The following RPL13 variants were observed in gnomAD, a reference collection of about 807,000 sequenced individuals.
The protein encoded by RPL13 is large ribosomal subunit protein eL13.
A neutral mutation model predicts 21.4 loss-of-function variants in RPL13; 1 was observed. That is an observed-to-expected ratio of 0.05 (90% CI 0.02 to 0.22). The LOEUF (loss-of-function observed/expected upper bound fraction) is 0.22, where lower values mean the gene tolerates loss of function less well. RPL13 is among the 10% of genes least tolerant of loss of function. The pLI, the probability that RPL13 is intolerant of heterozygous loss-of-function variation, is 1.00. For missense variants in RPL13, 289 were observed against 303.0 expected, an observed-to-expected ratio of 0.95 and a Z score of 0.34; for synonymous variants, 143 against 120.5, an observed-to-expected ratio of 1.19 and a Z score of -1.23.
At position 89,563,187 on chromosome 16, in the gene RPL13, C is replaced by A; in HGVS notation, c.*145C>A. On this transcript the variant is annotated 3_prime_UTR_variant, in exon 6 of 6. Coordinates refer to ENST00000311528, the MANE Select transcript of RPL13 (RefSeq NM_000977.4). The stretch of plus-strand genomic sequence containing the variant: ...ATTTGGGGCTTTCTTGAAAGACAGT[C>A]CAAGCCCTGGATAATGCTTTACTTT... 1 of 733,534 alleles carries A rather than the reference C, an allele frequency of 1.4e-6. No individual in the cohort carries two copies. The highest frequency in any genetic ancestry group is 2.0e-6 in the Non-Finnish European group (1 of 496,336). 45.4% of individuals were successfully genotyped at this position (733,534 alleles called of 1,614,324 possible).
In RPL13 at chr16:89,563,309, T is replaced by C; in HGVS notation, c.*267T>C. ...AGGCTGACTTCAGAGTGGACTTGTG[T>C]TTTTTCTTTTTAAAGAGGCAAGGTT... On this transcript the variant is annotated 3_prime_UTR_variant, in exon 6 of 6. Coordinates refer to ENST00000311528, the MANE Select transcript of RPL13 (RefSeq NM_000977.4). 3.8e-6 allele frequency: 1 copy of C among 266,006 alleles called. No homozygotes were observed. The highest frequency in any genetic ancestry group is 7.1e-6 in the Non-Finnish European group (1 of 141,676). 16.5% of individuals were successfully genotyped at this position (266,006 alleles called of 1,614,324 possible). A position where few individuals can be genotyped will look rare whatever the true frequency, so the allele number is the denominator to read the frequency against.
In RPL13 at chr16:89,563,645, G is replaced by T. The variant is rs1028048645; in HGVS notation, c.*603G>T. ...AGTGCCACAATCATGGCTCACTGCA[G>T]TCTTGAACTCATGGCCTCAAGCAGT... On this transcript the variant is annotated 3_prime_UTR_variant, in exon 6 of 6. Coordinates refer to ENST00000311528, the MANE Select transcript of RPL13 (RefSeq NM_000977.4). 2 of 152,156 alleles carry T rather than the reference G, an allele frequency of 1.3e-5. No individual in the cohort carries two copies. The highest frequency in any genetic ancestry group is 4.8e-5 in the African/African-American group (2 of 41,404). The allele number at this position is 152,156 out of a possible 1,614,324, so 9.4% of individuals were successfully genotyped here.
downstream of RPL13, chr16:89,565,590 A>C (rs67723215): frequency 0.17 from 25,929 of 150,564 alleles, 2,340 homozygotes; most frequent in African/African-American, 0.23. Context: ...GGCCCAGGAT[A>C]CCCCGCTGGT....
At position 89,562,714 on chromosome 16, in the gene RPL13, T is replaced by A. The variant is rs1215178089; in HGVS notation, c.478-170T>A. The A allele has an allele frequency of 4.4e-6, 3 of 684,614 alleles. No individual in the cohort carries two copies. In the African/African-American group the frequency reaches 5.7e-5, roughly 13 times the overall value. The allele number at this position is 684,614 out of a possible 1,614,324, so 42.4% of individuals were successfully genotyped here. ...TCCAGCTCAGGGAGGGTTTTTCTTT[T>A]TTTTTTTAAATCCCAGGGAAGGTGA... On this transcript the variant is annotated intron_variant, in intron 5 of 5. Transcript: ENST00000311528.
downstream of RPL13, chr16:89,565,200 C>T (rs1476849106): frequency 1.3e-5 from 2 of 151,718 alleles, no homozygotes; most frequent in Non-Finnish European, 2.9e-5. Flanking sequence ...TGTCTGGGGC[C>T]CTGCTGTTGG....
At chr16:89,565,945 G>A (rs530693285), downstream of RPL13, 10 of 152,448 alleles carry the variant, frequency 6.6e-5, no homozygotes, top group Non-Finnish European at 1.3e-4. Flanking sequence ...ACGAGCTTGT[G>A]GTCTGCTGCC....
Position 89,561,610 on chromosome 16 carries a change from C to G in RPL13, c.279C>G (p.Thr93=). The change falls in exon 4 of 6, where the codon ACC becomes ACG. Residue 93 remains threonine (T), a synonymous_variant. Coordinates refer to ENST00000311528, the MANE Select transcript of RPL13 (RefSeq NM_000977.4). The part of the protein sequence containing the change: ...VAGIHKKVAR[T]IGISVDPRRR... ...GCATTCACAAGAAGGTGGCCCGGAC[C>G]ATCGGCATTTCTGTGGATCCGAGGA... The G allele has an allele frequency of 6.2e-7, 1 of 1,613,700 alleles. No homozygotes were observed. Among genetic ancestry groups the G allele is most frequent in the Non-Finnish European group, 8.5e-7 (1 of 1,180,032 alleles).
chr16:89,561,822 C>T (rs1054192201), intron 4 of RPL13, 71 bp downstream of exon 4: 10 of 1,514,464 alleles, frequency 6.6e-6, no homozygotes, highest in Admixed American at 3.6e-5. Context: ...TCAGTGACAC[C>T]GGTCCCTGGG....
In RPL13 at chr16:89,563,181, G is replaced by A; in HGVS notation, c.*139G>A. ...CAGGGGATTTGGGGCTTTCTTGAAA[G>A]ACAGTCCAAGCCCTGGATAATGCTT... On this transcript the variant is annotated 3_prime_UTR_variant, in exon 6 of 6. Transcript: ENST00000311528. 1 of 786,360 alleles carries A rather than the reference G, an allele frequency of 1.3e-6. No homozygotes were observed. Among genetic ancestry groups the A allele is most frequent in the Non-Finnish European group, 1.9e-6 (1 of 540,404 alleles). The allele number at this position is 786,360 out of a possible 1,614,324, so 48.7% of individuals were successfully genotyped here.
intron 5 of RPL13, chr16:89,562,634 C>T (rs368761014): frequency 1.7e-6 from 1 of 580,360 alleles, no homozygotes; most frequent in South Asian, 2.4e-5. Context: ...GAGAGTTTCT[C>T]TATGCTGCTT....
rs780065016 is a variant in RPL13 at position 89,562,455 on chromosome 16, T to G, written c.477+64T>G. Reference sequence around the variant, plus strand: ...ATCAGTGGGTGAACACGTGGGTATCTGAGATGCGGGTGATGGGGGTCAGGC... The same window carrying G: ...ATCAGTGGGTGAACACGTGGGTATCGGAGATGCGGGTGATGGGGGTCAGGC... On this transcript the variant is annotated intron_variant, in intron 5 of 5. Coordinates refer to ENST00000311528, the MANE Select transcript of RPL13 (RefSeq NM_000977.4). The G allele has an allele frequency of 2.6e-6, 4 of 1,511,264 alleles. No individual in the cohort carries two copies. The African/African-American group carries it at 4.4e-5, about 17-fold the overall frequency. 93.6% of individuals were successfully genotyped at this position (1,511,264 alleles called of 1,614,324 possible).
At chr16:89,565,162 C>T (rs1449307662), downstream of RPL13, 1 of 152,368 alleles carries the variant, frequency 6.6e-6, no homozygotes, top group Non-Finnish European at 1.5e-5. Context: ...ATTAAGAGCC[C>T]TAACAGGAGA....
In RPL13 at chr16:89,562,792, A is replaced by G. The variant is rs558186474; in HGVS notation, c.478-92A>G. On this transcript the variant is annotated intron_variant, in intron 5 of 5. Coordinates refer to ENST00000311528, the MANE Select transcript of RPL13 (RefSeq NM_000977.4). ...CTTATGGCAGCGAACCTGACCCCCA[A>G]TCCCCGGGAGGTCCTCCAGGTTCTC... is the stretch of plus-strand genomic sequence containing the variant. 1.2e-5 allele frequency: 16 copies of G among 1,358,912 alleles called. No individual in the cohort carries two copies. In the African/African-American group the frequency reaches 1.4e-4, roughly 12 times the overall value. 84.2% of individuals were successfully genotyped at this position (1,358,912 alleles called of 1,614,324 possible).
Position 89,561,222 on chromosome 16 carries a change from A to G in RPL13, c.105-5A>G. On this transcript the variant is annotated splice_region_variant and splice_polypyrimidine_tract_variant and intron_variant, in intron 2 of 5. Transcript: ENST00000311528. ...GGTGACCGCCGCTGCGCTTCTCTCCACCAGACGTAAGGCCCGGCAAGCCAA... is the reference window on the plus strand; with the variant it reads ...GGTGACCGCCGCTGCGCTTCTCTCCGCCAGACGTAAGGCCCGGCAAGCCAA... The G allele has an allele frequency of 6.6e-7, 1 of 1,519,490 alleles. No homozygotes were observed. The highest frequency in any genetic ancestry group is 8.8e-7 in the Non-Finnish European group (1 of 1,136,092). The allele number at this position is 1,519,490 out of a possible 1,614,324, so 94.1% of individuals were successfully genotyped here.
downstream of RPL13, chr16:89,564,963 T>C (rs1183721768): frequency 6.6e-6 from 1 of 152,282 alleles, no homozygotes. Context: ...ACAAAAGCAC[T>C]CTGATCTGCG....
intron 5 of RPL13, chr16:89,562,632 C>T (rs2058753837): frequency 6.9e-6 from 4 of 580,206 alleles, no homozygotes; most frequent in Non-Finnish European, 1.2e-5. Context: ...AAGAGAGTTT[C>T]TCTATGCTGC....
downstream of RPL13, chr16:89,565,246 G>A (rs914267995): frequency 1.4e-5 from 2 of 147,736 alleles, no homozygotes; most frequent in South Asian, 4.3e-4. Flanking sequence ...TTTCTAGGTT[G>A]CGCTGGGACA....
chr16:89,562,710 CTTT>C, intron 5 of RPL13, 171 bp from the exon 6 acceptor site: 1 of 541,496 alleles, frequency 1.8e-6, no homozygotes. Context: ...GAGGGTTTTT[CTTT>C]TTTTTTTTAA....
chr16:89,561,931 C>A, intron 4 of RPL13, 180 bp downstream of exon 4: 1 of 710,008 alleles, frequency 1.4e-6, no homozygotes, highest in Non-Finnish European at 2.3e-6. Flanking sequence ...CCTTAATGGA[C>A]ATGGCAAGGC....
Sources: allele counts gnomAD v4.1 joint callset, GRCh38; gene constraint gnomAD v4.1.1; transcripts MANE v1.5; gene names NCBI Gene and HGNC (gene_info 2026-07-23, HGNC 2026-07-21).